NTM: variants seen among roughly 807,000 people sequenced by gnomAD.
The protein encoded by NTM is neurotrimin, also known as IgLON family member 2.
A neutral mutation model predicts 42.1 loss-of-function variants in NTM; 13 were observed. The ratio of observed to expected loss-of-function variants is 0.31; its 90% CI spans 0.20 to 0.49. The LOEUF is 0.49. NTM is among the 20% of genes least tolerant of loss of function. NTM has a pLI of 0.99. For missense variants in NTM, 373 were observed against 452.8 expected, an observed-to-expected ratio of 0.82 and a Z score of 1.60; for synonymous variants, 187 against 179.2, an observed-to-expected ratio of 1.04 and a Z score of -0.35.
intron 2 of NTM, among the ~76,000 whole-genome samples, chr11:132,122,207 G>T (rs529648213): frequency 6.6e-6 from 1 of 152,202 alleles, no homozygotes; most frequent in Non-Finnish European, 1.5e-5. Flanking sequence ...GGGCTGGGGC[G>T]CTGGGACCCT....
intron 2 of NTM, among the ~76,000 whole-genome samples, chr11:132,039,851 T>G (rs2135757960): frequency 6.6e-6 from 1 of 152,254 alleles, no homozygotes; most frequent in South Asian, 2.1e-4. Context: ...CACCATGAAA[T>G]CTACCATATT....
intron 4 of NTM, among the ~76,000 whole-genome samples, chr11:132,233,127 A>C (rs1302487349): frequency 2.0e-5 from 3 of 152,198 alleles, no homozygotes; most frequent in Non-Finnish European, 2.9e-5. Context: ...CAGTTTTAGA[A>C]TGGGGCCAGA....
chr11:131,828,845 C>T (rs75992486), intron 1 of NTM, among the ~76,000 whole-genome samples: 2 of 152,140 alleles, frequency 1.3e-5, no homozygotes, highest in East Asian at 3.9e-4. Context: ...AATTGAAACT[C>T]TTTATTCAGT....
At chr11:131,906,658 CCT>C (rs779797688) in intron 1 of NTM, among the ~76,000 whole-genome samples, 10 of 152,174 alleles carry the variant, frequency 6.6e-5, no homozygotes, top group African/African-American at 2.4e-4. Flanking sequence ...TCCTGCTCCC[CCT>C]GACTTTTCTG....
intron 4 of NTM, among the ~76,000 whole-genome samples, chr11:132,218,081 C>T (rs914745711): frequency 1.3e-5 from 2 of 152,128 alleles, no homozygotes; most frequent in African/African-American, 4.8e-5. Flanking sequence ...CGGCTGACTG[C>T]AGCACCCTGG....
intron 1 of NTM, among the ~76,000 whole-genome samples, chr11:131,835,538 T>A (rs143843118): frequency 2.0e-5 from 3 of 152,154 alleles, no homozygotes; most frequent in Non-Finnish European, 1.5e-5. Context: ...CACGATGATA[T>A]ATTGCTATAT....
At chr11:131,912,724 C>T (rs1055601365) in intron 2 of NTM, among the ~76,000 whole-genome samples, 2 of 152,208 alleles carry the variant, frequency 1.3e-5, no homozygotes, top group Non-Finnish European at 2.9e-5. Context: ...GGCAACATGG[C>T]AATATTCCTG....
intron 2 of NTM, among the ~76,000 whole-genome samples, chr11:132,048,116 A>G (rs1183608610): frequency 6.6e-6 from 1 of 151,484 alleles, no homozygotes; most frequent in African/African-American, 2.4e-5. Flanking sequence ...TTCCTTTTTT[A>G]TGTGTCTTTT....
intron 1 of NTM, among the ~76,000 whole-genome samples, chr11:131,798,120 A>G (rs1344308049): frequency 6.6e-6 from 1 of 152,192 alleles, no homozygotes; most frequent in Non-Finnish European, 1.5e-5. Flanking sequence ...TACAAGACCT[A>G]AACAAGAAAA....
intron 1 of NTM, among the ~76,000 whole-genome samples, chr11:131,775,034 C>T (rs948084038): frequency 1.4e-4 from 22 of 152,188 alleles, no homozygotes; most frequent in African/African-American, 3.6e-4. Context: ...GGTGAATGCT[C>T]GCCCAGTTTA....
At chr11:131,789,757 C>A (rs1427836285) in intron 1 of NTM, among the ~76,000 whole-genome samples, 4 of 150,254 alleles carry the variant, frequency 2.7e-5, no homozygotes, top group African/African-American at 7.3e-5. Context: ...GAGATCAAGA[C>A]CATCCTGGCT....
chr11:132,209,916 G>C (rs769815617), intron 3 of NTM, among the ~76,000 whole-genome samples: 1 of 152,182 alleles, frequency 6.6e-6, no homozygotes, highest in Admixed American at 6.5e-5. Flanking sequence ...TACATGGAAG[G>C]TAACACTGGA....
intron 1 of NTM, among the ~76,000 whole-genome samples, chr11:131,849,125 C>G (rs2045245568): frequency 6.6e-6 from 1 of 152,058 alleles, no homozygotes; most frequent in South Asian, 2.1e-4. Context: ...ATGTTTCAAG[C>G]AAAGCTCAGT....
intron 1 of NTM, among the ~76,000 whole-genome samples, chr11:131,400,810 T>A (rs973943525): frequency 6.6e-6 from 1 of 152,202 alleles, no homozygotes; most frequent in African/African-American, 2.4e-5. Flanking sequence ...AGGAATGTTT[T>A]AGAAAATCTA....
chr11:131,691,508 C>T (rs561776629), intron 1 of NTM, among the ~76,000 whole-genome samples: 28 of 152,178 alleles, frequency 1.8e-4, no homozygotes, highest in African/African-American at 6.7e-4. Context: ...CCTGGCCCCC[C>T]GCCAAGGCGA....
chr11:132,289,127 G>C (rs914050180), intron 4 of NTM, among the ~76,000 whole-genome samples: 7 of 152,156 alleles, frequency 4.6e-5, no homozygotes. Flanking sequence ...CATAGTTTTA[G>C]CAGCTGCTTT....
At chr11:132,268,222 A>G (rs2093306533) in intron 4 of NTM, among the ~76,000 whole-genome samples, 1 of 152,236 alleles carries the variant, frequency 6.6e-6, no homozygotes, top group Non-Finnish European at 1.5e-5. Flanking sequence ...CTTATATTAA[A>G]GGTAGACTTC....
chr11:131,953,894 G>A lies in NTM; in HGVS notation c.167+42246G>A, dbSNP rs796273628. On this transcript the variant is annotated intron_variant, in intron 2 of 8. Coordinates refer to ENST00000683400, the MANE Select transcript of NTM (RefSeq NM_001352005.2). ...CATGAGGAGAATGTAGACCTTTAAC[G>A]TGAATCTGATGAACCAAGCCACTCC... Among the ~76,000 whole-genome samples the A allele has an allele frequency of 5.3e-5, 8 of 152,210 alleles. No homozygotes were observed. In the South Asian group the frequency reaches 1.0e-3, roughly 20 times the overall value.
At chr11:131,831,488 T>A (rs2042811621) in intron 1 of NTM, among the ~76,000 whole-genome samples, 1 of 152,142 alleles carries the variant, frequency 6.6e-6, no homozygotes, top group African/African-American at 2.4e-5. Flanking sequence ...AGAACCAGGC[T>A]GGGTCACATG....
Sources: allele counts gnomAD v4.1 joint callset (sites outside exome capture counted in the v4.1 genomes callset), GRCh38; gene constraint gnomAD v4.1.1; transcripts MANE v1.5; gene names NCBI Gene and HGNC (gene_info 2026-07-23, HGNC 2026-07-21).